The following ZNF569 variants were observed in gnomAD, a reference collection of about 807,000 sequenced individuals.
ZNF569 encodes DNA-binding protein.
Under a neutral mutation model 56.3 loss-of-function variants are expected in ZNF569, and 38 were observed. The ratio of observed to expected loss-of-function variants is 0.68; its 90% CI spans 0.52 to 0.88. The LOEUF is 0.88. Ranked by LOEUF, ZNF569 falls within the 40% of genes least tolerant of loss-of-function variation. The probability of loss-of-function intolerance (pLI) is 0.00; values close to 1 mark genes in which losing one functional copy is unlikely to be tolerated. For missense variants in ZNF569, 666 were observed against 809.2 expected (o/e 0.82, Z 2.15); for synonymous variants, 241 against 262.9 (o/e 0.92, Z 0.81).
At chr19:37,469,251 GC>G, upstream of ZNF569, 1 of 1,387,376 alleles carries the variant, frequency 7.2e-7, no homozygotes, top group Non-Finnish European at 9.3e-7. Context: ...GCCAGACACT[GC>G]GACGCCGCGA....
At chr19:37,431,374 G>A (rs1568728134) in intron 3 of ZNF569, among the ~76,000 whole-genome samples, 1 of 152,118 alleles carries the variant, frequency 6.6e-6, no homozygotes, top group Non-Finnish European at 1.5e-5. Context: ...CAGTATGATA[G>A]GGCACCAGGC....
intron 5 of ZNF569, among the ~76,000 whole-genome samples, chr19:37,424,000 T>C (rs1353740602): frequency 1.3e-5 from 2 of 152,198 alleles, no homozygotes; most frequent in Non-Finnish European, 2.9e-5. Flanking sequence ...TATGTATATA[T>C]GTATATGTGG....
At chr19:37,451,828 T>C (rs1362068354) in intron 2 of ZNF569, among the ~76,000 whole-genome samples, 1 of 152,238 alleles carries the variant, frequency 6.6e-6, no homozygotes, top group African/African-American at 2.4e-5. Flanking sequence ...GCCGTTAAGA[T>C]CTGAAGTGAG....
chr19:37,440,107 G>T (rs1041108115), intron 3 of ZNF569, among the ~76,000 whole-genome samples: 1 of 152,096 alleles, frequency 6.6e-6, no homozygotes, highest in Non-Finnish European at 1.5e-5. Context: ...TTACCCTGAT[G>T]TGATTATTAC....
intron 3 of ZNF569, among the ~76,000 whole-genome samples, chr19:37,438,787 G>A (rs2041354857): frequency 6.6e-6 from 1 of 151,964 alleles, no homozygotes; most frequent in African/African-American, 2.4e-5. Flanking sequence ...GTACAGCAAG[G>A]GAAACAATCA....
chr19:37,415,286 AT>A (rs1475764985), intron 5 of ZNF569, among the ~76,000 whole-genome samples: 4 of 152,130 alleles, frequency 2.6e-5, no homozygotes, highest in South Asian at 2.1e-4. Context: ...TTAATGAAAA[AT>A]GTCAAGTAAT....
chr19:37,468,069 G>GT, upstream of ZNF569: 8 of 668,734 alleles, frequency 1.2e-5, no homozygotes, highest in Non-Finnish European at 1.9e-5. Flanking sequence ...TATGCCTTTC[G>GT]TGTTTTTTTT....
chr19:37,418,134 T>TAATAATAATAATAATAAA (rs1476685180), intron 5 of ZNF569, among the ~76,000 whole-genome samples: 46 of 137,730 alleles, frequency 3.3e-4, no homozygotes, highest in Admixed American at 8.8e-4. Flanking sequence ...ATAATAATAA[T>TAATAATAATAATAATAAA]AAAATAAAGT....
At chr19:37,439,897 C>A (rs1568734248) in intron 3 of ZNF569, among the ~76,000 whole-genome samples, 1 of 152,066 alleles carries the variant, frequency 6.6e-6, no homozygotes, top group Non-Finnish European at 1.5e-5. Flanking sequence ...ATGATGGTTA[C>A]CAGCAGCTAG....
intron 2 of ZNF569, among the ~76,000 whole-genome samples, chr19:37,462,130 A>G (rs909874518): frequency 1.3e-5 from 2 of 152,084 alleles, no homozygotes; most frequent in African/African-American, 4.8e-5. Flanking sequence ...AAGTTAAAAC[A>G]ATCATAAGAG....
intron 2 of ZNF569, among the ~76,000 whole-genome samples, chr19:37,458,817 G>A (rs2041713839): frequency 6.6e-6 from 1 of 152,038 alleles, no homozygotes. Flanking sequence ...CTGTAAGCAG[G>A]GAAATGCGAA....
intron 3 of ZNF569, among the ~76,000 whole-genome samples, chr19:37,433,694 G>A (rs976626907): frequency 5.3e-5 from 8 of 152,014 alleles, no homozygotes; most frequent in African/African-American, 1.9e-4. Context: ...GGAAAGAGTG[G>A]CACGACATAT....
chr19:37,437,068 T>C (rs1297971756), intron 3 of ZNF569, among the ~76,000 whole-genome samples: 2 of 147,596 alleles, frequency 1.4e-5, no homozygotes, highest in African/African-American at 5.0e-5. Flanking sequence ...TGAACATTGA[T>C]GCAAAAATCC....
In ZNF569 at chr19:37,425,898, C is replaced by G. The variant is rs1420053716; in HGVS notation, c.208G>C (p.Glu70Gln). Residue 70 changes from glutamate (E) to glutamine (Q), a missense_variant, in exon 5 of 6, where the codon GAG becomes CAG. By Grantham distance (29) the Glu-to-Gln change is conservative. Coordinates refer to ENST00000316950, the MANE Select transcript of ZNF569 (RefSeq NM_152484.3). ...LEQEEEPWVMEEEVLRRHWQG... is the reference protein window; with the variant it reads ...LEQEEEPWVMQEEVLRRHWQG... ...CAGTGTCTCCTTAATACTTCTTCCTCCATCACCCATGGTTCTTCTTCTTGC... is the reference window on the plus strand; with the variant it reads ...CAGTGTCTCCTTAATACTTCTTCCTGCATCACCCATGGTTCTTCTTCTTGC... The G allele has an allele frequency of 1.9e-5, 31 of 1,614,008 alleles. No individual in the cohort carries two copies. The highest frequency in any genetic ancestry group is 2.6e-5 in the Non-Finnish European group (31 of 1,179,940).
chr19:37,435,997 A>G (rs149985383), intron 3 of ZNF569, among the ~76,000 whole-genome samples: 4 of 152,330 alleles, frequency 2.6e-5, no homozygotes, highest in East Asian at 1.9e-4. Context: ...TCAAATGGAC[A>G]TAATAGATAT....
chr19:37,415,558 G>A (rs2040914090), intron 5 of ZNF569, among the ~76,000 whole-genome samples: 1 of 152,082 alleles, frequency 6.6e-6, no homozygotes, highest in African/African-American at 2.4e-5. Context: ...AATTAAATAA[G>A]AGAAATAAAT....
intron 2 of ZNF569, among the ~76,000 whole-genome samples, chr19:37,447,761 G>T (rs1021282614): frequency 6.6e-6 from 1 of 152,136 alleles, no homozygotes; most frequent in Non-Finnish European, 1.5e-5. Flanking sequence ...AGTAAAGGTT[G>T]TTCCCTTCAA....
At position 37,413,505 on chromosome 19, in the gene ZNF569, T is replaced by A; in HGVS notation, c.1153A>T (p.Asn385Tyr). The change falls in exon 6 of 6, where the codon AAT (asparagine) becomes TAT (tyrosine). Residue 385 changes from asparagine to tyrosine, a missense_variant. Physicochemically the swap from Asn to Tyr is moderately radical, Grantham distance 143 (BLOSUM62 -2). Coordinates refer to ENST00000316950, the MANE Select transcript of ZNF569 (RefSeq NM_152484.3). ...TGAGAGAAGGCTTTTCCACACTCAT[T>A]ACATTCATAGGGTTTTTCACCTGTA... ...IHTGEKPYECNECGKAFSQSS... is the reference protein window; with the variant it reads ...IHTGEKPYECYECGKAFSQSS... The A allele has an allele frequency of 6.2e-7, 1 of 1,613,506 alleles. No homozygotes were observed. Among genetic ancestry groups the A allele is most frequent in the Middle Eastern group, 1.7e-4 (1 of 6,058 alleles).
intron 2 of ZNF569, among the ~76,000 whole-genome samples, chr19:37,456,421 T>A (rs553829358): frequency 6.6e-6 from 1 of 152,332 alleles, no homozygotes; most frequent in South Asian, 2.1e-4. Flanking sequence ...AAACTGATCA[T>A]CTAAGTGTCT....
Sources: allele counts gnomAD v4.1 joint callset (sites outside exome capture counted in the v4.1 genomes callset), GRCh38; gene constraint gnomAD v4.1.1; transcripts MANE v1.5; gene names NCBI Gene and HGNC (gene_info 2026-07-23, HGNC 2026-07-21).